The following ADAMTS17 variants were observed in gnomAD, a reference collection of about 807,000 sequenced individuals.
ADAMTS17 encodes ADAM metallopeptidase with thrombospondin type 1 motif 17, also known as A disintegrin and metalloproteinase with thrombospondin motifs 17.
A neutral mutation model predicts 141.5 loss-of-function variants in ADAMTS17; 113 were observed. The ratio of observed to expected loss-of-function variants is 0.80; its 90% CI spans 0.69 to 0.93. The LOEUF is 0.93. Ranked by LOEUF, ADAMTS17 falls within the 40% of genes least tolerant of loss-of-function variation. The pLI is 0.00. For missense variants in ADAMTS17, 1,659 were observed against 1,517.9 expected, an observed-to-expected ratio of 1.09 and a Z score of -1.54; for synonymous variants, 768 against 630.6, an observed-to-expected ratio of 1.22 and a Z score of -3.27.
intron 15 of ADAMTS17, among the ~76,000 whole-genome samples, chr15:100,085,988 A>G (rs924580894): frequency 2.6e-5 from 4 of 151,074 alleles, no homozygotes; most frequent in African/African-American, 9.8e-5. Flanking sequence ...TCAAATTCAC[A>G]TATAACAATA....
chr15:100,329,569 A>G (rs943221539), intron 3 of ADAMTS17, among the ~76,000 whole-genome samples: 2 of 151,430 alleles, frequency 1.3e-5, no homozygotes, highest in African/African-American at 4.8e-5. Flanking sequence ...TCCACACACA[A>G]CCAACTGTCA....
intron 13 of ADAMTS17, 131 bp downstream of exon 13, chr15:100,116,716 C>A: frequency 3.1e-6 from 4 of 1,276,754 alleles, no homozygotes; most frequent in Non-Finnish European, 4.5e-6. Flanking sequence ...CGCAGCTGAG[C>A]TGGGCAGAGG....
intron 18 of ADAMTS17, among the ~76,000 whole-genome samples, chr15:100,004,710 T>G (rs973710949): frequency 2.1e-5 from 3 of 144,572 alleles, no homozygotes; most frequent in African/African-American, 7.8e-5. Context: ...AGCCTCCACC[T>G]CCCGAGTTCA....
intron 15 of ADAMTS17, among the ~76,000 whole-genome samples, chr15:100,093,993 A>G (rs958751108): frequency 2.0e-5 from 3 of 151,878 alleles, no homozygotes; most frequent in African/African-American, 7.3e-5. Flanking sequence ...CCAGTGACTC[A>G]TTCTTGTGCA....
At chr15:100,023,179 GT>G (rs914697676) in intron 18 of ADAMTS17, among the ~76,000 whole-genome samples, 8 of 151,666 alleles carry the variant, frequency 5.3e-5, no homozygotes, top group Admixed American at 2.0e-4. Flanking sequence ...GTCAACTTTT[GT>G]TTTTAGGTGA....
At chr15:100,136,582 G>T (rs2038345168) in intron 10 of ADAMTS17, among the ~76,000 whole-genome samples, 1 of 152,214 alleles carries the variant, frequency 6.6e-6, no homozygotes, top group Non-Finnish European at 1.5e-5. Flanking sequence ...GGCAGCCCTG[G>T]GAGGCAGGCA....
chr15:100,013,226 A>G (rs1215452507), intron 18 of ADAMTS17, among the ~76,000 whole-genome samples: 1 of 152,148 alleles, frequency 6.6e-6, no homozygotes. Context: ...ATTTGTGTAC[A>G]TTAATCTTGT....
intron 6 of ADAMTS17, among the ~76,000 whole-genome samples, chr15:100,255,026 CTG>C (rs2043278081): frequency 6.7e-6 from 1 of 149,222 alleles, no homozygotes; most frequent in African/African-American, 2.5e-5. Flanking sequence ...AAAAAAAAAA[CTG>C]TCTTCCTTAA....
chr15:100,186,386 T>C (rs1218113378), intron 8 of ADAMTS17, among the ~76,000 whole-genome samples: 1 of 152,172 alleles, frequency 6.6e-6, no homozygotes, highest in Non-Finnish European at 1.5e-5. Context: ...CTACTACTAT[T>C]ATAGGATGGG....
chr15:100,136,321 A>C (rs1439224605), intron 10 of ADAMTS17, among the ~76,000 whole-genome samples: 1 of 152,222 alleles, frequency 6.6e-6, no homozygotes, highest in East Asian at 1.9e-4. Context: ...AGCTTAAGAA[A>C]AAAGAAAACG....
chr15:100,149,916 A>G (rs1250587870), intron 10 of ADAMTS17, among the ~76,000 whole-genome samples: 1 of 152,216 alleles, frequency 6.6e-6, no homozygotes, highest in Non-Finnish European at 1.5e-5. Context: ...AGATTCCTCT[A>G]AAGAAAGTGT....
chr15:100,091,401 G>A (rs2035461257), intron 15 of ADAMTS17, among the ~76,000 whole-genome samples: 1 of 152,170 alleles, frequency 6.6e-6, no homozygotes, highest in Admixed American at 6.5e-5. Context: ...GAGAAATCCA[G>A]TTACAGGAAC....
At chr15:100,006,475 G>T (rs1478954285) in intron 18 of ADAMTS17, among the ~76,000 whole-genome samples, 1 of 152,148 alleles carries the variant, frequency 6.6e-6, no homozygotes, top group African/African-American at 2.4e-5. Context: ...CCATCATCAG[G>T]GTCACACTTT....
At chr15:100,064,536 C>T (rs1422426123) in intron 15 of ADAMTS17, among the ~76,000 whole-genome samples, 2 of 152,100 alleles carry the variant, frequency 1.3e-5, no homozygotes, top group Admixed American at 6.6e-5. Context: ...CCTGAACATC[C>T]GTGGGATGAC....
chr15:99,974,587 C>T (rs2141255973), intron 21 of ADAMTS17, 25 bp from the exon 22 acceptor site: 2 of 1,614,058 alleles, frequency 1.2e-6, no homozygotes, highest in Non-Finnish European at 1.7e-6. Flanking sequence ...GAGAGAATAC[C>T]CAGGGTCAGG....
chr15:100,179,894 T>C (rs2040466693), intron 8 of ADAMTS17, among the ~76,000 whole-genome samples: 1 of 152,188 alleles, frequency 6.6e-6, no homozygotes. Flanking sequence ...TTCCTAAGAG[T>C]TGTTTGAGCT....
intron 6 of ADAMTS17, among the ~76,000 whole-genome samples, chr15:100,260,833 C>G (rs551048536): frequency 6.6e-6 from 1 of 152,178 alleles, no homozygotes; most frequent in African/African-American, 2.4e-5. Context: ...CTTAGCAACT[C>G]TAATAAAAAG....
rs570633153 is a variant in ADAMTS17, at chr15:100,071,296, C to T, written c.2138-17242G>A. On this transcript the variant is annotated intron_variant, in intron 15 of 21. Transcript: ENST00000268070. ...GTCCAGGACCAGATGGATTCACAGCCGAATTCTACCAGAGGTACAAGGAGG... is the reference window on the plus strand; with the variant it reads ...GTCCAGGACCAGATGGATTCACAGCTGAATTCTACCAGAGGTACAAGGAGG... 5.5e-4 allele frequency among the ~76,000 whole-genome samples: 82 copies of T among 150,020 alleles called. 6 individuals carry two copies. Among genetic ancestry groups the T allele is most frequent in the African/African-American group, 1.8e-3 (75 of 40,554 alleles).
chr15:100,076,516 T>C (rs1046136027), intron 15 of ADAMTS17, among the ~76,000 whole-genome samples: 2 of 152,232 alleles, frequency 1.3e-5, no homozygotes, highest in African/African-American at 4.8e-5. Context: ...CTTGTATAGA[T>C]CCTGTGCTGG....
Sources: gnomAD v4.1 joint callset for allele counts (sites outside exome capture counted in the v4.1 genomes callset) on GRCh38, gnomAD v4.1.1 for gene constraint, MANE v1.5 for transcripts, NCBI Gene and HGNC (gene_info 2026-07-23, HGNC 2026-07-21) for gene names.